RPS6KC1: variants seen among roughly 807,000 people sequenced by gnomAD.
RPS6KC1 encodes ribosomal protein S6 kinase C1, also known as inactive ribosomal protein S6 kinase delta-1.
In RPS6KC1, 54 loss-of-function variants were observed where a neutral mutation model predicts 103.8. The ratio of observed to expected loss-of-function variants is 0.52; its 90% CI spans 0.42 to 0.65. The LOEUF (loss-of-function observed/expected upper bound fraction) is 0.65, where lower values mean the gene tolerates loss of function less well. RPS6KC1 is among the 30% of genes least tolerant of loss of function. The pLI, the probability that RPS6KC1 is intolerant of heterozygous loss-of-function variation, is 0.00. For missense variants in RPS6KC1, 1,151 were observed against 1,253.8 expected (o/e 0.92, Z 1.24); for synonymous variants, 439 against 438.7 (o/e 1.00, Z -0.01).
chr1:213,438,564 G>A, the RPS6KC1 span, among the ~76,000 whole-genome samples: 1 of 152,068 alleles, frequency 6.6e-6, no homozygotes, highest in African/African-American at 2.4e-5. Flanking sequence ...GTGTCTAATT[G>A]AGGCTGCTCC....
the RPS6KC1 span, among the ~76,000 whole-genome samples, chr1:213,322,911 CTTTTTTTTTTTTTTT>C: frequency 8.2e-5 from 3 of 36,672 alleles, no homozygotes; most frequent in Admixed American, 8.5e-4. Context: ...CCATGCCCAG[CTTTTTTTTTTTTTTT>C]TTTTTTTTTT....
At position 213,215,142 on chromosome 1, in the gene RPS6KC1, C is replaced by T. The variant is rs533612790; in HGVS notation, c.1045-15355C>T. Among the ~76,000 whole-genome samples, 8 of 152,230 alleles carry T rather than the reference C, an allele frequency of 5.3e-5. 1 individual carries two copies. Among genetic ancestry groups the T allele is most frequent in the African/African-American group, 7.2e-5 (3 of 41,520 alleles). ...TTAAAAACCCTGAAAAAAGATTAGACGAATGGCTAACTGGAATAACCAATG... is the reference window on the plus strand; with the variant it reads ...TTAAAAACCCTGAAAAAAGATTAGATGAATGGCTAACTGGAATAACCAATG... On this transcript the variant is annotated intron_variant, in intron 8 of 14. Coordinates refer to ENST00000366960, the MANE Select transcript of RPS6KC1 (RefSeq NM_012424.6).
At chr1:213,840,817 T>C in the RPS6KC1 span, 4 of 152,168 alleles carry the variant, frequency 2.6e-5, no homozygotes, top group Non-Finnish European at 5.9e-5. Flanking sequence ...AGTTGGAATG[T>C]ACAAACTTGA....
chr1:213,653,471 A>AC, the RPS6KC1 span, among the ~76,000 whole-genome samples: 8 of 151,954 alleles, frequency 5.3e-5, no homozygotes, highest in Admixed American at 1.3e-4. Flanking sequence ...AAAAAAAAAA[A>AC]TTACTAGCAT....
At chr1:213,235,482 A>G (rs1053060294) in intron 10 of RPS6KC1, among the ~76,000 whole-genome samples, 3 of 152,132 alleles carry the variant, frequency 2.0e-5, no homozygotes, top group East Asian at 3.9e-4. Flanking sequence ...GTGGTTTGCT[A>G]TTTTATATAG....
chr1:213,102,565 CA>C (rs1453786429), intron 3 of RPS6KC1, among the ~76,000 whole-genome samples: 1 of 152,142 alleles, frequency 6.6e-6, no homozygotes, highest in Non-Finnish European at 1.5e-5. Context: ...AACTGCAAAG[CA>C]AGCTGGCAAT....
intron 12 of RPS6KC1, among the ~76,000 whole-genome samples, chr1:213,259,492 G>T (rs993877880): frequency 3.3e-5 from 5 of 152,276 alleles, no homozygotes; most frequent in African/African-American, 1.2e-4. Context: ...CAGCCCCAGA[G>T]GTGAAAGTTG....
chr1:213,449,910 G>A, the RPS6KC1 span, among the ~76,000 whole-genome samples: 1,735 of 152,244 alleles, frequency 0.011, 31 homozygotes, highest in African/African-American at 0.04. Context: ...ATTATTCCAG[G>A]CTTTATGTAA....
At chr1:213,162,961 A>G (rs1169422614) in intron 6 of RPS6KC1, among the ~76,000 whole-genome samples, 1 of 152,262 alleles carries the variant, frequency 6.6e-6, no homozygotes, top group Non-Finnish European at 1.5e-5. Flanking sequence ...CATGTTATAC[A>G]TGGAAAGACT....
At chr1:213,234,012 CTCTT>C (rs953170147) in intron 10 of RPS6KC1, among the ~76,000 whole-genome samples, 2 of 146,284 alleles carry the variant, frequency 1.4e-5, no homozygotes, top group Non-Finnish European at 3.0e-5. Context: ...TTCTCTCTCT[CTCTT>C]TTTTTTTTTT....
chr1:213,582,383 C>T, the RPS6KC1 span, among the ~76,000 whole-genome samples: 1 of 151,864 alleles, frequency 6.6e-6, no homozygotes, highest in Non-Finnish European at 1.5e-5. Context: ...AAAATGAAAC[C>T]CAAGCAAAGA....
the RPS6KC1 span, among the ~76,000 whole-genome samples, chr1:213,346,167 T>C: frequency 6.6e-6 from 1 of 152,242 alleles, no homozygotes; most frequent in Non-Finnish European, 1.5e-5. Flanking sequence ...ATTTAACAAA[T>C]GTATTTTTTT....
the RPS6KC1 span, among the ~76,000 whole-genome samples, chr1:213,549,612 CTT>C: frequency 2.2e-4 from 19 of 86,910 alleles, no homozygotes; most frequent in East Asian, 7.0e-4. Context: ...TTTTCTTTTC[CTT>C]TTTTTTTTTT....
At chr1:213,583,295 G>A in the RPS6KC1 span, among the ~76,000 whole-genome samples, 1 of 152,176 alleles carries the variant, frequency 6.6e-6, no homozygotes, top group Non-Finnish European at 1.5e-5. Context: ...GTGCTGGGCT[G>A]CATAGTAAGT....
At chr1:213,828,512 C>T in the RPS6KC1 span, among the ~76,000 whole-genome samples, 3 of 152,032 alleles carry the variant, frequency 2.0e-5, no homozygotes, top group Non-Finnish European at 4.4e-5. Flanking sequence ...TAATCAGAAA[C>T]CGGATTGAAC....
At chr1:213,559,632 A>G in the RPS6KC1 span, among the ~76,000 whole-genome samples, 1 of 152,190 alleles carries the variant, frequency 6.6e-6, no homozygotes, top group Admixed American at 6.5e-5. Flanking sequence ...CATCTGTAGG[A>G]CAAAGCTTTT....
chr1:213,101,307 C>G (rs2081999604), intron 3 of RPS6KC1, among the ~76,000 whole-genome samples: 1 of 152,108 alleles, frequency 6.6e-6, no homozygotes, highest in Admixed American at 6.6e-5. Context: ...ATTTTAGGAA[C>G]AAAGAAATGA....
the RPS6KC1 span, among the ~76,000 whole-genome samples, chr1:213,835,557 A>G: frequency 6.6e-6 from 1 of 152,198 alleles, no homozygotes; most frequent in Non-Finnish European, 1.5e-5. Context: ...TAATAACTGC[A>G]CTAACATCCC....
chr1:213,681,675 G>A, the RPS6KC1 span, among the ~76,000 whole-genome samples: 1 of 152,150 alleles, frequency 6.6e-6, no homozygotes, highest in South Asian at 2.1e-4. Context: ...GTACATGCCT[G>A]TAGTCCCAGC....
Sources: allele counts gnomAD v4.1 joint callset (sites outside exome capture counted in the v4.1 genomes callset), GRCh38; gene constraint gnomAD v4.1.1; transcripts MANE v1.5; gene names NCBI Gene and HGNC (gene_info 2026-07-23, HGNC 2026-07-21).